LPP: variants seen among roughly 807,000 people sequenced by gnomAD.
LPP encodes the protein LIM domain containing preferred translocation partner in lipoma.
In LPP, 38 loss-of-function variants were observed where a neutral mutation model predicts 60.4. The ratio of observed to expected loss-of-function variants is 0.63; its 90% CI spans 0.49 to 0.83. LPP has a LOEUF of 0.83. LPP is among the 40% of genes least tolerant of loss of function. The pLI is 0.00. For synonymous variants in LPP, 328 were observed against 290.8 expected, an observed-to-expected ratio of 1.13 and a Z score of -1.30; for missense variants, 902 against 783.6, an observed-to-expected ratio of 1.15 and a Z score of -1.80.
chr3:188,457,936 T>G (rs1347181239), intron 4 of LPP, among the ~76,000 whole-genome samples: 2 of 152,038 alleles, frequency 1.3e-5, no homozygotes, highest in African/African-American at 2.4e-5. Context: ...GTCACAGGAT[T>G]GATGCTATAC....
At chr3:188,729,549 A>G (rs1175144694) in intron 8 of LPP, among the ~76,000 whole-genome samples, 1 of 152,222 alleles carries the variant, frequency 6.6e-6, no homozygotes, top group East Asian at 1.9e-4. Context: ...GATAAGAAAC[A>G]TGATATTGCT....
rs1377784057 is a variant in LPP at position 188,182,354 on chromosome 3, A to T, written c.-190+28102A>T. On this transcript the variant is annotated intron_variant, in intron 1 of 11. Transcript: ENST00000617246. This position sits in a 1 kb window ranked among gnomAD's most constrained non-coding sequence, Gnocchi z 4.4. ...TTTGAGAAGCATTACTGTAGAGCTC[A>T]CCTCTGCTATATTCATCATGTACTT... Among the ~76,000 whole-genome samples the T allele has an allele frequency of 2.0e-5, 3 of 152,156 alleles. No individual in the cohort carries two copies. The highest frequency in any genetic ancestry group is 4.4e-5 in the Non-Finnish European group (3 of 68,022).
intron 1 of LPP, among the ~76,000 whole-genome samples, chr3:188,190,038 T>C (rs1204515463): frequency 1.3e-5 from 2 of 151,076 alleles, no homozygotes; most frequent in Non-Finnish European, 2.9e-5. Context: ...ACGTAGGTGG[T>C]AGGTGTCATT....
At chr3:188,465,779 C>T (rs560616503) in intron 4 of LPP, among the ~76,000 whole-genome samples, 1 of 152,202 alleles carries the variant, frequency 6.6e-6, no homozygotes, top group East Asian at 1.9e-4. Flanking sequence ...TTCTGAGTAG[C>T]TCTTGTTTTC....
At chr3:188,560,947 T>G (rs1213579851) in intron 6 of LPP, among the ~76,000 whole-genome samples, 1 of 152,098 alleles carries the variant, frequency 6.6e-6, no homozygotes, top group Non-Finnish European at 1.5e-5. Context: ...GATGAAAGGA[T>G]GTTCTCAGGA....
chr3:188,175,380 G>A (rs1398289798), intron 1 of LPP, among the ~76,000 whole-genome samples: 2 of 152,132 alleles, frequency 1.3e-5, no homozygotes, highest in African/African-American at 4.8e-5. Context: ...GAGCCACCAC[G>A]CCCCACCTAG....
chr3:188,299,034 G>C (rs4461411), intron 2 of LPP, among the ~76,000 whole-genome samples: 74,136 of 152,042 alleles, frequency 0.49, 21,018 homozygotes, highest in African/African-American at 0.79. Flanking sequence ...TCTAACTTAT[G>C]TGTCTTACAT....
intron 1 of LPP, among the ~76,000 whole-genome samples, chr3:188,201,800 A>G (rs556950159): frequency 9.7e-4 from 148 of 152,072 alleles, no homozygotes; most frequent in African/African-American, 3.6e-3. Flanking sequence ...GGGGCCAGGG[A>G]AGTTAGACGT....
intron 4 of LPP, among the ~76,000 whole-genome samples, chr3:188,473,901 T>G (rs1802483498): frequency 1.3e-5 from 2 of 152,324 alleles, no homozygotes; most frequent in Admixed American, 6.5e-5. Context: ...GACTTGAGGA[T>G]GAAGACTCTG....
chr3:188,595,957 G>A (rs1244319547), intron 6 of LPP, among the ~76,000 whole-genome samples: 1 of 152,110 alleles, frequency 6.6e-6, no homozygotes, highest in East Asian at 1.9e-4. Context: ...CCCCTCCTTT[G>A]CCTCACCCTT....
At chr3:188,715,109 G>A (rs890688195) in intron 8 of LPP, among the ~76,000 whole-genome samples, 2 of 152,090 alleles carry the variant, frequency 1.3e-5, no homozygotes, top group Admixed American at 6.6e-5. Flanking sequence ...AGAACAAGGG[G>A]TGGCTCATGC....
chr3:188,672,549 G>A (rs1173596137), intron 7 of LPP, among the ~76,000 whole-genome samples: 1 of 152,164 alleles, frequency 6.6e-6, no homozygotes, highest in African/African-American at 2.4e-5. Flanking sequence ...GATGGAGGGG[G>A]TGGTGGGGAT....
intron 2 of LPP, among the ~76,000 whole-genome samples, chr3:188,255,295 C>T (rs1012817178): frequency 1.6e-4 from 24 of 152,278 alleles, no homozygotes; most frequent in Middle Eastern, 3.4e-3. Flanking sequence ...ATTTCACAGA[C>T]GAGGAAACGG....
chr3:188,768,700 T>C (rs183255150), intron 9 of LPP, among the ~76,000 whole-genome samples: 1 of 152,208 alleles, frequency 6.6e-6, no homozygotes, highest in Non-Finnish European at 1.5e-5. Flanking sequence ...CAAAGGTCCA[T>C]GTACCTGTTA....
chr3:188,307,255 C>T (rs910502219), intron 2 of LPP, among the ~76,000 whole-genome samples: 1 of 152,092 alleles, frequency 6.6e-6, no homozygotes, highest in African/African-American at 2.4e-5. Flanking sequence ...GAAACCAAAG[C>T]CTGTTCTCTT....
At chr3:188,162,583 TG>T (rs1324664641) in intron 1 of LPP, among the ~76,000 whole-genome samples, 1 of 152,196 alleles carries the variant, frequency 6.6e-6, no homozygotes, top group East Asian at 1.9e-4. Context: ...TGGTGATTTT[TG>T]GTGTAGGGAA....
At chr3:188,562,014 G>A (rs1251694438) in intron 6 of LPP, among the ~76,000 whole-genome samples, 4 of 151,738 alleles carry the variant, frequency 2.6e-5, no homozygotes, top group South Asian at 2.1e-4. Flanking sequence ...TGAATGTGGA[G>A]GCTTCTACAG....
intron 8 of LPP, among the ~76,000 whole-genome samples, chr3:188,714,681 A>G (rs1713068424): frequency 6.6e-6 from 1 of 152,082 alleles, no homozygotes; most frequent in Non-Finnish European, 1.5e-5. Context: ...CTGTCGCATT[A>G]CAGTATTAGG....
intron 4 of LPP, among the ~76,000 whole-genome samples, chr3:188,476,754 T>C (rs1348017239): frequency 6.6e-6 from 1 of 152,170 alleles, no homozygotes; most frequent in African/African-American, 2.4e-5. Flanking sequence ...ATTTTTCTAA[T>C]GTATAAAAGG....
Sources: gnomAD v4.1 joint callset for allele counts (sites outside exome capture counted in the v4.1 genomes callset) on GRCh38, gnomAD v4.1.1 for gene constraint, Gnocchi (gnomAD v3.1) non-coding constraint, MANE v1.5 for transcripts, NCBI Gene and HGNC (gene_info 2026-07-23, HGNC 2026-07-21) for gene names.